The following ARNT2 variants were observed in gnomAD, a reference collection of about 807,000 sequenced individuals.
The protein encoded by ARNT2 is aryl hydrocarbon receptor nuclear translocator 2, also known as ARNT protein 2.
ARNT2 carries 36 observed loss-of-function variants against 91.7 expected under a neutral mutation model. The observed-to-expected ratio is 0.39, with a 90% CI of 0.30 to 0.52. The LOEUF (loss-of-function observed/expected upper bound fraction) is 0.52, where lower values mean the gene tolerates loss of function less well. Among genes scored for constraint, ARNT2 ranks in the 20% least tolerant of loss-of-function variants. The probability of loss-of-function intolerance (pLI) is 0.72; values close to 1 mark genes in which losing one functional copy is unlikely to be tolerated. For synonymous variants in ARNT2, 365 were observed against 347.1 expected (o/e 1.05, Z -0.57); for missense variants, 775 against 939.3 (o/e 0.83, Z 2.29).
At chr15:80,471,379 G>A (rs778496095) in intron 4 of ARNT2, among the ~76,000 whole-genome samples, 1 of 152,204 alleles carries the variant, frequency 6.6e-6, no homozygotes, top group Non-Finnish European at 1.5e-5. Flanking sequence ...GCCTCCTAGA[G>A]GATGGAGGTT....
chr15:80,557,792 C>A (rs995156095), intron 11 of ARNT2, among the ~76,000 whole-genome samples: 4 of 152,158 alleles, frequency 2.6e-5, no homozygotes, highest in Non-Finnish European at 5.9e-5. Flanking sequence ...ACCAGATCAC[C>A]CCATCTCCCA....
chr15:80,593,607 T>A lies in ARNT2; in HGVS notation c.2063T>A (p.Leu688Gln), dbSNP rs778130032. 6.3e-7 allele frequency: 1 copy of A among 1,597,154 alleles called. No homozygotes were observed. Among genetic ancestry groups the A allele is most frequent in the East Asian group, 2.2e-5 (1 of 44,500 alleles). Residue 688 changes from leucine (L) to glutamine (Q), a missense_variant, in exon 19 of 19, where the codon CTG becomes CAG. Leu to Gln is a moderately radical substitution (Grantham distance 113, BLOSUM62 -2). Coordinates refer to ENST00000303329, the MANE Select transcript of ARNT2 (RefSeq NM_014862.4). Reference sequence around the variant, plus strand: ...TTTTCCTCTCCTCTGCAGGACATGCTGCCCATGCCAGGAGATCCAACCCAG... The same window carrying A: ...TTTTCCTCTCCTCTGCAGGACATGCAGCCCATGCCAGGAGATCCAACCCAG... ...PGQTEVFQDM[L>Q]PMPGDPTQGT...
At chr15:80,410,594 AGTTAGTTCAC>A (rs1327641515) in intron 1 of ARNT2, among the ~76,000 whole-genome samples, 1 of 152,150 alleles carries the variant, frequency 6.6e-6, no homozygotes, top group African/African-American at 2.4e-5. Context: ...CCTTGGGGTA[AGTTAGTTCAC>A]AGAACATAGA....
At chr15:80,419,961 G>A (rs1302216361) in intron 1 of ARNT2, among the ~76,000 whole-genome samples, 2 of 152,128 alleles carry the variant, frequency 1.3e-5, no homozygotes, top group African/African-American at 4.8e-5. Flanking sequence ...ATGGTGGTGG[G>A]CTCCGTCTGA....
At chr15:80,459,247 C>T (rs958535453) in intron 3 of ARNT2, among the ~76,000 whole-genome samples, 2 of 152,196 alleles carry the variant, frequency 1.3e-5, no homozygotes, top group African/African-American at 4.8e-5. Context: ...TCACTAATGA[C>T]CTTGGAGTTT....
At chr15:80,415,000 G>A (rs1367175474) in intron 1 of ARNT2, among the ~76,000 whole-genome samples, 1 of 152,176 alleles carries the variant, frequency 6.6e-6, no homozygotes, top group Non-Finnish European at 1.5e-5. Context: ...GCAAATGACT[G>A]ACCAACCATT....
At chr15:80,460,636 T>TC (rs1164649484) in intron 3 of ARNT2, among the ~76,000 whole-genome samples, 1 of 151,908 alleles carries the variant, frequency 6.6e-6, no homozygotes, top group Non-Finnish European at 1.5e-5. Flanking sequence ...GAAGTTTCCT[T>TC]CCCCCCACAC....
At chr15:80,491,271 C>T (rs1045762808) in intron 5 of ARNT2, among the ~76,000 whole-genome samples, 1 of 152,106 alleles carries the variant, frequency 6.6e-6, no homozygotes, top group Admixed American at 6.5e-5. Flanking sequence ...GCTGGGGAGG[C>T]CTCACAATCA....
At chr15:80,473,744 C>T (rs1259385774) in intron 4 of ARNT2, among the ~76,000 whole-genome samples, 1 of 152,190 alleles carries the variant, frequency 6.6e-6, no homozygotes, top group Non-Finnish European at 1.5e-5. Context: ...ATTTACAAAG[C>T]TCCCTGGGTT....
intron 3 of ARNT2, among the ~76,000 whole-genome samples, chr15:80,460,402 G>A (rs117288281): frequency 0.023 from 3,454 of 152,322 alleles, 51 homozygotes; most frequent in Non-Finnish European, 0.039. Context: ...ATGCAACAAA[G>A]TAGTAGATGT....
At position 80,576,135 on chromosome 15, in the gene ARNT2, G is replaced by A. The variant is rs151084957; in HGVS notation, c.1514-731G>A. Among the ~76,000 whole-genome samples, 12 of 152,256 alleles carry A rather than the reference G, an allele frequency of 7.9e-5. No individual in the cohort carries two copies. The East Asian group carries it at 2.3e-3, about 29-fold the overall frequency. On this transcript the variant is annotated intron_variant, in intron 14 of 18. Transcript: ENST00000303329. ...GGTTGCACCTCTTACCTTGGAGATGGGATTCAGACCCAGAGAGCTGAGATA... is the reference window on the plus strand; with the variant it reads ...GGTTGCACCTCTTACCTTGGAGATGAGATTCAGACCCAGAGAGCTGAGATA...
Position 80,501,380 on chromosome 15 carries a change from G to T in ARNT2, c.623-6776G>T, listed in dbSNP as rs150912581. On this transcript the variant is annotated intron_variant, in intron 5 of 18. Coordinates refer to ENST00000303329, the MANE Select transcript of ARNT2 (RefSeq NM_014862.4). Reference sequence around the variant, plus strand: ...CTCAGCTAATTAAAATAAAGAACAGGCATGCATAGAAAAAGACTGACCAGA... The same window carrying T: ...CTCAGCTAATTAAAATAAAGAACAGTCATGCATAGAAAAAGACTGACCAGA... 1.8e-3 allele frequency among the ~76,000 whole-genome samples: 269 copies of T among 152,190 alleles called. 3 individuals carry two copies. Among genetic ancestry groups the T allele is most frequent in the African/African-American group, 6.1e-3 (253 of 41,534 alleles).
At chr15:80,557,416 A>G (rs1282126069) in intron 11 of ARNT2, among the ~76,000 whole-genome samples, 1 of 152,112 alleles carries the variant, frequency 6.6e-6, no homozygotes, top group Non-Finnish European at 1.5e-5. Context: ...ACACTTGCTT[A>G]TACACCACTG....
At chr15:80,581,934 C>A (rs186984024) in intron 17 of ARNT2, among the ~76,000 whole-genome samples, 32 of 152,294 alleles carry the variant, frequency 2.1e-4, no homozygotes, top group Admixed American at 1.9e-3. Flanking sequence ...GTGTAAGGAA[C>A]CTCCTCAGCA....
At chr15:80,479,166 G>T (rs533279570) in intron 5 of ARNT2, among the ~76,000 whole-genome samples, 1 of 152,318 alleles carries the variant, frequency 6.6e-6, no homozygotes, top group Admixed American at 6.5e-5. Context: ...CAGGGGAGGG[G>T]ACAAGAAACC....
intron 11 of ARNT2, among the ~76,000 whole-genome samples, chr15:80,562,618 A>G (rs3935642): frequency 2.8e-4 from 42 of 152,286 alleles, no homozygotes; most frequent in African/African-American, 6.0e-4. Context: ...CCATTTTACA[A>G]CGTTAAGCAG....
At chr15:80,472,782 A>C (rs1361144397) in intron 4 of ARNT2, among the ~76,000 whole-genome samples, 2 of 152,218 alleles carry the variant, frequency 1.3e-5, no homozygotes, top group Admixed American at 6.5e-5. Context: ...CATGGGCCTG[A>C]GGTATAATGA....
chr15:80,511,229 A>T (rs954176814), intron 6 of ARNT2, among the ~76,000 whole-genome samples: 1 of 152,152 alleles, frequency 6.6e-6, no homozygotes, highest in Admixed American at 6.5e-5. Flanking sequence ...CTTTGCATGG[A>T]TGTGGATGCA....
At chr15:80,533,292 G>A (rs538972342) in intron 8 of ARNT2, among the ~76,000 whole-genome samples, 1 of 152,344 alleles carries the variant, frequency 6.6e-6, no homozygotes, top group South Asian at 2.1e-4. Context: ...TTACAGGGAA[G>A]AGTGTGGAGC....
Sources: allele counts gnomAD v4.1 joint callset (sites outside exome capture counted in the v4.1 genomes callset), GRCh38; gene constraint gnomAD v4.1.1; transcripts MANE v1.5; gene names NCBI Gene and HGNC (gene_info 2026-07-23, HGNC 2026-07-21).